AGBL1: variants seen among roughly 807,000 people sequenced by gnomAD.
AGBL1 encodes cytosolic carboxypeptidase 4.
In AGBL1, 130 loss-of-function variants were observed where a neutral mutation model predicts 118.9. That is an observed-to-expected ratio of 1.09 (90% confidence interval 0.95 to 1.26). The LOEUF is 1.26. Ranked by LOEUF, AGBL1 falls within the 50% of genes most tolerant of loss-of-function variation. The probability of loss-of-function intolerance (pLI) is 0.00; values close to 1 mark genes in which losing one functional copy is unlikely to be tolerated. For missense variants in AGBL1, 1,584 were observed against 1,298.1 expected, an observed-to-expected ratio of 1.22 and a Z score of -3.38; for synonymous variants, 555 against 478.9, an observed-to-expected ratio of 1.16 and a Z score of -2.08.
At chr15:86,596,882 AT>A (rs200678153) in intron 21 of AGBL1, among the ~76,000 whole-genome samples, 2,196 of 152,176 alleles carry the variant, frequency 0.014, 50 homozygotes, top group African/African-American at 0.049. Context: ...TATATTTATT[AT>A]TTATTGCCTG....
Position 86,593,885 on chromosome 15 carries a change from G to A in AGBL1, c.2994+39348G>A, listed in dbSNP as rs191043770. 4.0e-5 allele frequency among the ~76,000 whole-genome samples: 6 copies of A among 150,336 alleles called. No homozygotes were observed. In the East Asian group the frequency reaches 1.2e-3, roughly 29 times the overall value. ...GTTCCTGTTTCTGCTTCTTCTTGAT[G>A]TTTTTGAGATTCTTTATCTTGTGTG... On this transcript the variant is annotated intron_variant, in intron 21 of 22. Coordinates refer to ENST00000614907, the MANE Select transcript of AGBL1 (RefSeq NM_001386094.1).
At chr15:87,026,757 G>A (rs764091652) in intron 24 of AGBL1, among the ~76,000 whole-genome samples, 1 of 152,080 alleles carries the variant, frequency 6.6e-6, no homozygotes, top group Non-Finnish European at 1.5e-5. Context: ...CAATTGATAA[G>A]TGGATAAAGA....
chr15:86,273,976 A>T (rs984698907), intron 15 of AGBL1, among the ~76,000 whole-genome samples: 6 of 152,230 alleles, frequency 3.9e-5, no homozygotes, highest in East Asian at 3.8e-4. Context: ...GTCATCAAAT[A>T]GTCTCCAAAC....
Position 86,396,207 on chromosome 15 carries a change from A to G in AGBL1, c.2375-1159A>G, listed in dbSNP as rs1251707494. On this transcript the variant is annotated intron_variant, in intron 17 of 22. Coordinates refer to ENST00000614907, the MANE Select transcript of AGBL1 (RefSeq NM_001386094.1). Reference sequence around the variant, plus strand: ...TATGTGTATATATATAAAATCATATACGTGTGTGTGTATATATATGTGTGT... The same window carrying G: ...TATGTGTATATATATAAAATCATATGCGTGTGTGTGTATATATATGTGTGT... Among the ~76,000 whole-genome samples, 5 of 144,042 alleles carry G rather than the reference A, an allele frequency of 3.5e-5. No homozygotes were observed. The South Asian group carries it at 8.7e-4, about 25-fold the overall frequency. The allele number at this position is 144,042 out of a possible 152,430, so 94.5% of individuals were successfully genotyped here.
chr15:86,806,726 T>A (rs1454395131), intron 22 of AGBL1, among the ~76,000 whole-genome samples: 2 of 151,688 alleles, frequency 1.3e-5, no homozygotes, highest in African/African-American at 4.8e-5. Flanking sequence ...TGCTGCTACT[T>A]ATAAAGTAAT....
intron 1 of AGBL1, among the ~76,000 whole-genome samples, chr15:86,104,307 C>T (rs527493194): frequency 9.2e-5 from 14 of 152,226 alleles, no homozygotes; most frequent in African/African-American, 3.1e-4. Context: ...TGGGTGAGGA[C>T]AGCAGTGGCT....
chr15:86,375,966 G>C (rs1366000977), intron 17 of AGBL1, among the ~76,000 whole-genome samples: 1 of 152,216 alleles, frequency 6.6e-6, no homozygotes, highest in African/African-American at 2.4e-5. Flanking sequence ...TGGTGAGCCA[G>C]GCAGCCAAAC....
intron 21 of AGBL1, among the ~76,000 whole-genome samples, chr15:86,581,902 C>G (rs117045158): frequency 0.02 from 3,003 of 152,196 alleles, 41 homozygotes; most frequent in Non-Finnish European, 0.032. Flanking sequence ...TTATGAGGAT[C>G]TTATGTAATA....
chr15:86,430,758 C>A (rs1008564702), intron 18 of AGBL1, among the ~76,000 whole-genome samples: 2 of 152,126 alleles, frequency 1.3e-5, no homozygotes, highest in Non-Finnish European at 2.9e-5. Flanking sequence ...TTTAGTGGGG[C>A]TTTGAGAGAA....
chr15:86,382,839 A>G (rs964593205), intron 17 of AGBL1, among the ~76,000 whole-genome samples: 7 of 152,232 alleles, frequency 4.6e-5, no homozygotes, highest in South Asian at 2.1e-4. Context: ...GGAGTAACAA[A>G]GCAGCAAGGC....
chr15:86,870,316 C>A (rs2079702228), intron 22 of AGBL1, among the ~76,000 whole-genome samples: 1 of 147,932 alleles, frequency 6.8e-6, no homozygotes, highest in South Asian at 2.2e-4. Context: ...TAAGTCACAT[C>A]TTGAAGGTCA....
intron 1 of AGBL1, among the ~76,000 whole-genome samples, chr15:86,129,093 A>G (rs1309265203): frequency 6.6e-6 from 1 of 152,192 alleles, no homozygotes; most frequent in Admixed American, 6.5e-5. Context: ...AGAACCAAAT[A>G]CTGTAGTGGG....
chr15:86,287,065 T>A (rs1307530999), intron 16 of AGBL1, among the ~76,000 whole-genome samples: 1 of 152,172 alleles, frequency 6.6e-6, no homozygotes, highest in Non-Finnish European at 1.5e-5. Context: ...TGAAGTGGTA[T>A]CTCATTGTGG....
rs781481832 is a variant in AGBL1 at position 86,912,761 on chromosome 15, G to C, written c.*5467G>C. 1.3e-5 allele frequency: 2 copies of C among 152,186 alleles called. No homozygotes were observed. Among genetic ancestry groups the C allele is most frequent in the Non-Finnish European group, 2.9e-5 (2 of 68,038 alleles). The allele number at this position is 152,186 out of a possible 1,614,324, so 9.4% of individuals were successfully genotyped here. A position where few individuals can be genotyped will look rare whatever the true frequency, so the allele number is the denominator to read the frequency against. On this transcript the variant is annotated 3_prime_UTR_variant, in exon 23 of 23. Coordinates refer to ENST00000614907, the MANE Select transcript of AGBL1 (RefSeq NM_001386094.1). Reference sequence around the variant, plus strand: ...TGTTAGGGCCACAGAAGAATGACTCGCATGGTGGATCTCAGCATTTGGATT... The same window carrying C: ...TGTTAGGGCCACAGAAGAATGACTCCCATGGTGGATCTCAGCATTTGGATT...
intron 7 of AGBL1, among the ~76,000 whole-genome samples, chr15:86,251,008 G>A (rs1465690884): frequency 1.3e-5 from 2 of 152,218 alleles, no homozygotes; most frequent in African/African-American, 4.8e-5. Flanking sequence ...GGAGGAGGAG[G>A]AAGAGGAAGA....
At chr15:86,088,152 G>A (rs541838869) in intron 1 of AGBL1, 15 of 152,380 alleles carry the variant, frequency 9.8e-5, no homozygotes, top group African/African-American at 3.4e-4. Flanking sequence ...ACAGTCAGTG[G>A]GTTAGATTTG....
intron 22 of AGBL1, among the ~76,000 whole-genome samples, chr15:86,776,744 A>ATG (rs1311809080): frequency 5.5e-5 from 6 of 109,566 alleles, no homozygotes; most frequent in African/African-American, 2.2e-4. Context: ...AGAATTATAT[A>ATG]TATATATGTG....
intron 17 of AGBL1, among the ~76,000 whole-genome samples, chr15:86,377,570 G>A (rs1412553224): frequency 6.6e-6 from 1 of 152,110 alleles, no homozygotes; most frequent in Non-Finnish European, 1.5e-5. Context: ...TTTCTTATCA[G>A]GTCCCAAAGG....
chr15:86,469,195 C>T (rs1248839425), intron 18 of AGBL1, among the ~76,000 whole-genome samples: 1 of 152,174 alleles, frequency 6.6e-6, no homozygotes, highest in Admixed American at 6.5e-5. Context: ...TACTGTCTAA[C>T]TGAAACTTTG....
Sources: allele counts gnomAD v4.1 joint callset (sites outside exome capture counted in the v4.1 genomes callset), GRCh38; gene constraint gnomAD v4.1.1; transcripts MANE v1.5; gene names NCBI Gene and HGNC (gene_info 2026-07-23, HGNC 2026-07-21).